KCNN2: variants seen among roughly 807,000 people sequenced by gnomAD.
The protein encoded by KCNN2 is small conductance calcium-activated potassium channel protein 2.
KCNN2 carries 24 observed loss-of-function variants against 55.5 expected under a neutral mutation model. The observed-to-expected ratio is 0.43, with a 90% CI of 0.31 to 0.61. The LOEUF (loss-of-function observed/expected upper bound fraction) is 0.61. Among genes scored for constraint, KCNN2 ranks in the 20% least tolerant of loss-of-function variants. KCNN2 has a pLI of 0.08. For synonymous variants in KCNN2, 431 were observed against 336.1 expected, an observed-to-expected ratio of 1.28 and a Z score of -3.09; for missense variants, 754 against 853.6, an observed-to-expected ratio of 0.88 and a Z score of 1.45.
chr5:114,105,101 A>G (rs1751456511), intron 1 of KCNN2, among the ~76,000 whole-genome samples: 1 of 152,020 alleles, frequency 6.6e-6, no homozygotes, highest in African/African-American at 2.4e-5. Flanking sequence ...CAAAAACTCT[A>G]TTACAGCGTA....
At chr5:114,336,203 C>T (rs1756920951) in intron 2 of KCNN2, among the ~76,000 whole-genome samples, 1 of 152,144 alleles carries the variant, frequency 6.6e-6, no homozygotes, top group Non-Finnish European at 1.5e-5. Context: ...AAGAAATAAT[C>T]ATTAAACAAA....
chr5:114,147,792 A>G (rs766346974), intron 1 of KCNN2, among the ~76,000 whole-genome samples: 1 of 152,154 alleles, frequency 6.6e-6, no homozygotes, highest in Admixed American at 6.6e-5. Flanking sequence ...AATTGTCAGT[A>G]TGAAGTTGGA....
chr5:114,491,293 T>C (rs1446362257), intron 6 of KCNN2, among the ~76,000 whole-genome samples: 1 of 152,134 alleles, frequency 6.6e-6, no homozygotes, highest in Non-Finnish European at 1.5e-5. Flanking sequence ...ACTTCAGTCA[T>C]TTCTGTGCCA....
intron 1 of KCNN2, among the ~76,000 whole-genome samples, chr5:114,189,572 A>T (rs1753409451): frequency 6.6e-6 from 1 of 152,202 alleles, no homozygotes; most frequent in East Asian, 1.9e-4. Flanking sequence ...TTAACACATA[A>T]ATACATAAAA....
chr5:114,300,837 C>T (rs945506030), intron 2 of KCNN2, among the ~76,000 whole-genome samples: 1 of 152,146 alleles, frequency 6.6e-6, no homozygotes, highest in Admixed American at 6.5e-5. Context: ...ATATTTTCTG[C>T]TCTAAGGTCA....
chr5:114,266,992 CTTTTTTTT>C (rs58929255), intron 2 of KCNN2, among the ~76,000 whole-genome samples: 1 of 110,274 alleles, frequency 9.1e-6, no homozygotes, highest in Non-Finnish European at 1.9e-5. Context: ...CCCTTCCCTC[CTTTTTTTT>C]TTTTTTTTTT....
At chr5:114,279,082 T>C (rs1433199526) in intron 2 of KCNN2, among the ~76,000 whole-genome samples, 1 of 152,076 alleles carries the variant, frequency 6.6e-6, no homozygotes, top group Non-Finnish European at 1.5e-5. Flanking sequence ...AATTATAAAT[T>C]ATTAATTTTA....
intron 3 of KCNN2, among the ~76,000 whole-genome samples, chr5:114,446,618 C>T (rs573213838): frequency 1.4e-4 from 21 of 152,098 alleles, no homozygotes; most frequent in East Asian, 1.9e-4. Flanking sequence ...CCTCTGTGCC[C>T]GGCTAATTTT....
At chr5:114,433,288 C>A (rs1039670322) in intron 3 of KCNN2, among the ~76,000 whole-genome samples, 8 of 152,110 alleles carry the variant, frequency 5.3e-5, no homozygotes, top group African/African-American at 1.7e-4. Context: ...ATGCACCAAT[C>A]GACACTGTAT....
chr5:114,214,534 T>C (rs1753962061), intron 1 of KCNN2, among the ~76,000 whole-genome samples: 1 of 151,958 alleles, frequency 6.6e-6, no homozygotes, highest in Non-Finnish European at 1.5e-5. Context: ...GTATCGAAAA[T>C]TGACTAAGAG....
intron 2 of KCNN2, among the ~76,000 whole-genome samples, chr5:114,369,106 G>A (rs1240376636): frequency 2.6e-5 from 4 of 152,108 alleles, no homozygotes; most frequent in Non-Finnish European, 5.9e-5. Context: ...TAAATGGAAA[G>A]GTATTGCCCA....
chr5:114,387,102 A>ATC (rs1237878462), intron 2 of KCNN2, among the ~76,000 whole-genome samples: 1 of 152,196 alleles, frequency 6.6e-6, no homozygotes, highest in Non-Finnish European at 1.5e-5. Flanking sequence ...TTTTTCTTTA[A>ATC]TCAAGATACA....
intron 2 of KCNN2, among the ~76,000 whole-genome samples, chr5:114,389,260 A>G (rs2150062437): frequency 6.6e-6 from 1 of 152,224 alleles, no homozygotes; most frequent in Non-Finnish European, 1.5e-5. Context: ...AGATAACCAA[A>G]CTGGTCAAGA....
At position 114,377,293 on chromosome 5, in the gene KCNN2, C is replaced by T. The variant is rs114695547; in HGVS notation, c.1218+13292C>T. ...TGTGTTTTGAGAATACCAGCCACGT[C>T]AGGATTCCCACTCTGCCTCTGATCC... On this transcript the variant is annotated intron_variant, in intron 2 of 7. Coordinates refer to ENST00000673685, the MANE Select transcript of KCNN2 (RefSeq NM_021614.4). Among the ~76,000 whole-genome samples the T allele has an allele frequency of 3.4e-3, 516 of 152,214 alleles. 1 individual carries two copies. The highest frequency in any genetic ancestry group is 5.8e-3 in the Non-Finnish European group (392 of 68,018).
intron 2 of KCNN2, among the ~76,000 whole-genome samples, chr5:114,301,276 G>A (rs1756154118): frequency 6.6e-6 from 1 of 151,998 alleles, no homozygotes; most frequent in Non-Finnish European, 1.5e-5. Context: ...AAAGGGGAAT[G>A]AAAAACTTTA....
chr5:114,069,289 T>C (rs1202902118), intron 1 of KCNN2, among the ~76,000 whole-genome samples: 1 of 152,190 alleles, frequency 6.6e-6, no homozygotes, highest in African/African-American at 2.4e-5. Flanking sequence ...GACTTAGTCT[T>C]GCTTTACTGG....
At chr5:114,246,141 A>G (rs960370565) in intron 2 of KCNN2, among the ~76,000 whole-genome samples, 1 of 152,068 alleles carries the variant, frequency 6.6e-6, no homozygotes, top group Non-Finnish European at 1.5e-5. Flanking sequence ...CGTGAATGTA[A>G]TTTTCTCTAT....
intron 2 of KCNN2, among the ~76,000 whole-genome samples, chr5:114,385,519 G>GCGCGCGCACACACA (rs1458678711): frequency 1.4e-5 from 2 of 143,354 alleles, no homozygotes; most frequent in African/African-American, 5.3e-5. Context: ...ACACATGCGC[G>GCGCGCGCACACACA]CACACACACA....
rs1320291360 is a variant in KCNN2 at position 114,128,480 on chromosome 5, CAT to C, written c.-271+71981_-271+71982del. Reference sequence around the variant, plus strand: ...TATCTCCACCTAGTCTCTCGCATGACATGTGGGGATTATGGGAACTACAATTC... The same window carrying C: ...TATCTCCACCTAGTCTCTCGCATGACGTGGGGATTATGGGAACTACAATTC... On this transcript the variant is annotated intron_variant, in intron 1 of 10. Transcript: ENST00000512097. Among the ~76,000 whole-genome samples, 6 of 152,192 alleles carry C rather than the reference CAT, an allele frequency of 3.9e-5. No homozygotes were observed. In the South Asian group the frequency reaches 6.2e-4, roughly 16 times the overall value.
Sources: gnomAD v4.1 joint callset for allele counts (sites outside exome capture counted in the v4.1 genomes callset) on GRCh38, gnomAD v4.1.1 for gene constraint, MANE v1.5 for transcripts, NCBI Gene and HGNC (gene_info 2026-07-23, HGNC 2026-07-21) for gene names.